The following NRXN3 variants were observed in gnomAD, a reference collection of about 807,000 sequenced individuals.
The protein encoded by NRXN3 is neurexin 3.
A neutral mutation model predicts 137.6 loss-of-function variants in NRXN3; 32 were observed. That is an observed-to-expected ratio of 0.23 (90% confidence interval 0.18 to 0.31). NRXN3 has a LOEUF of 0.31. NRXN3 is among the 10% of genes least tolerant of loss of function. NRXN3 has a pLI of 1.00. For missense variants in NRXN3, 1,574 were observed against 2,062.5 expected (o/e 0.76, Z 4.59); for synonymous variants, 798 against 784.5 (o/e 1.02, Z -0.29).
At chr14:78,217,607 G>A (rs1273684000) in intron 1 of NRXN3, among the ~76,000 whole-genome samples, 4 of 152,242 alleles carry the variant, frequency 2.6e-5, no homozygotes, top group Non-Finnish European at 2.9e-5. Flanking sequence ...AGTCTGAATG[G>A]TATTGTATTG....
rs1239355348 is a variant in NRXN3 at position 78,543,780 on chromosome 14, C to T, written c.758-101340C>T. Among the ~76,000 whole-genome samples, 5 of 152,118 alleles carry T rather than the reference C, an allele frequency of 3.3e-5. No individual in the cohort carries two copies. In the Middle Eastern group the frequency reaches 0.01, roughly 310 times the overall value. On this transcript the variant is annotated intron_variant, in intron 4 of 20. Transcript: ENST00000335750. ...CTTTTATGGGAATTATTTCTCATTT[C>T]GTTAATCCTAGCCTAGTTTCCTTCA... is the stretch of plus-strand genomic sequence containing the variant.
At chr14:78,807,659 C>A (rs529560691) in intron 9 of NRXN3, among the ~76,000 whole-genome samples, 1 of 146,348 alleles carries the variant, frequency 6.8e-6, no homozygotes, top group Admixed American at 6.9e-5. Flanking sequence ...CGCTTGAACA[C>A]AGGAGGTGGA....
intron 15 of NRXN3, among the ~76,000 whole-genome samples, chr14:79,380,149 CTTTTTT>C (rs949863265): frequency 2.0e-5 from 1 of 48,948 alleles, no homozygotes; most frequent in Non-Finnish European, 4.1e-5. Flanking sequence ...TATACTTCTT[CTTTTTT>C]TTTTTTTTTT....
At chr14:78,471,307 C>T (rs1385879673) in intron 4 of NRXN3, among the ~76,000 whole-genome samples, 1 of 57,292 alleles carries the variant, frequency 1.7e-5, no homozygotes, top group Non-Finnish European at 4.2e-5. Context: ...CACACACACA[C>T]ACACACACAC....
intron 15 of NRXN3, among the ~76,000 whole-genome samples, chr14:79,341,440 A>C (rs2092606382): frequency 6.6e-6 from 1 of 152,154 alleles, no homozygotes; most frequent in African/African-American, 2.4e-5. Flanking sequence ...AGCAGCACCT[A>C]CCAGCTTGTT....
chr14:78,966,769 T>C (rs31416), intron 12 of NRXN3, among the ~76,000 whole-genome samples: 33,863 of 152,198 alleles, frequency 0.22, 7,338 homozygotes, highest in African/African-American at 0.57. Flanking sequence ...AGATGAAACA[T>C]AAATATTTTA....
intron 19 of NRXN3, among the ~76,000 whole-genome samples, chr14:79,775,852 A>T (rs1432150197): frequency 1.3e-5 from 2 of 152,168 alleles, no homozygotes; most frequent in Non-Finnish European, 2.9e-5. Flanking sequence ...TGCAGATTAA[A>T]TTGTTTCCAG....
intron 19 of NRXN3, among the ~76,000 whole-genome samples, chr14:79,801,745 A>G (rs1371886252): frequency 6.6e-6 from 1 of 152,198 alleles, no homozygotes; most frequent in African/African-American, 2.4e-5. Context: ...AGAACACTGT[A>G]TTCACATGTA....
chr14:78,180,551 G>A (rs1340841131), intron 1 of NRXN3, among the ~76,000 whole-genome samples: 1 of 152,212 alleles, frequency 6.6e-6, no homozygotes, highest in African/African-American at 2.4e-5. Context: ...CTTGCCTGTG[G>A]CCGCAGAGTT....
intron 16 of NRXN3, chr14:79,611,366 A>G (rs76773457): frequency 0.084 from 12,844 of 152,264 alleles, 699 homozygotes; most frequent in East Asian, 0.26. Flanking sequence ...TTGGGAGGCC[A>G]AGGCGGGCGG....
At chr14:79,045,135 T>A (rs1431501191) in intron 15 of NRXN3, among the ~76,000 whole-genome samples, 2 of 152,070 alleles carry the variant, frequency 1.3e-5, no homozygotes, top group Non-Finnish European at 2.9e-5. Flanking sequence ...ACTCCCCCAA[T>A]CCCCGTTTTC....
At chr14:78,455,430 C>T (rs1232055487) in intron 4 of NRXN3, among the ~76,000 whole-genome samples, 1 of 152,198 alleles carries the variant, frequency 6.6e-6, no homozygotes, top group African/African-American at 2.4e-5. Context: ...GCAGGAGGAA[C>T]CTAACCCTCC....
chr14:79,001,938 T>G (rs1319709452), intron 15 of NRXN3, among the ~76,000 whole-genome samples: 1 of 152,150 alleles, frequency 6.6e-6, no homozygotes, highest in Non-Finnish European at 1.5e-5. Context: ...ATGTTAGAAA[T>G]GTAAAACCTC....
At chr14:78,760,234 G>T (rs868199166) in intron 8 of NRXN3, among the ~76,000 whole-genome samples, 1 of 151,062 alleles carries the variant, frequency 6.6e-6, no homozygotes, top group East Asian at 2.0e-4. Context: ...TAGAGATGGG[G>T]TTTCTCCATG....
At chr14:78,485,969 T>C (rs1187869647) in intron 4 of NRXN3, among the ~76,000 whole-genome samples, 1 of 152,204 alleles carries the variant, frequency 6.6e-6, no homozygotes, top group African/African-American at 2.4e-5. Context: ...TCTTTTTGTA[T>C]TCTCATCAGT....
At chr14:79,361,422 T>C (rs2093676821) in intron 15 of NRXN3, among the ~76,000 whole-genome samples, 1 of 152,148 alleles carries the variant, frequency 6.6e-6, no homozygotes, top group Non-Finnish European at 1.5e-5. Flanking sequence ...AACAATTGAT[T>C]ACAAAGTTTA....
intron 1 of NRXN3, among the ~76,000 whole-genome samples, chr14:78,172,122 G>A (rs2058782701): frequency 6.6e-6 from 1 of 152,072 alleles, no homozygotes; most frequent in African/African-American, 2.4e-5. Context: ...GAGGGAGAGG[G>A]GGCACTCCTT....
At chr14:78,759,349 C>G (rs1294431716) in intron 8 of NRXN3, among the ~76,000 whole-genome samples, 1 of 152,230 alleles carries the variant, frequency 6.6e-6, no homozygotes, top group Non-Finnish European at 1.5e-5. Flanking sequence ...TACGATATCT[C>G]TTTTGATATG....
At chr14:78,864,021 A>G (rs2099080078) in intron 10 of NRXN3, among the ~76,000 whole-genome samples, 1 of 152,146 alleles carries the variant, frequency 6.6e-6, no homozygotes, top group Non-Finnish European at 1.5e-5. Flanking sequence ...AAATTGGTAA[A>G]ATAAATAAAA....
Sources: gnomAD v4.1 joint callset for allele counts (sites outside exome capture counted in the v4.1 genomes callset) on GRCh38, gnomAD v4.1.1 for gene constraint, MANE v1.5 for transcripts, NCBI Gene and HGNC (gene_info 2026-07-23, HGNC 2026-07-21) for gene names.